Variants in CCT6A observed in about 807,000 individuals in gnomAD.
CCT6A encodes the protein chaperonin containing TCP1 subunit 6A, also known as T-complex protein 1 subunit zeta.
Under a neutral mutation model 58.6 loss-of-function variants are expected in CCT6A, and 6 were observed. That is an observed-to-expected ratio of 0.10 (90% CI 0.06 to 0.20). The LOEUF is 0.20. CCT6A is among the 10% of genes least tolerant of loss of function. The pLI is 1.00. For synonymous variants in CCT6A, 245 were observed against 227.8 expected, an observed-to-expected ratio of 1.08 and a Z score of -0.68; for missense variants, 516 against 648.8, an observed-to-expected ratio of 0.80 and a Z score of 2.22.
intron 2 of CCT6A, 68 bp downstream of exon 2, chr7:56,052,553 A>G: frequency 7.7e-7 from 1 of 1,303,062 alleles, no homozygotes; most frequent in Non-Finnish European, 1.1e-6. Flanking sequence ...TTGTAGAAAG[A>G]TTTGCAGTGT....
At position 56,057,966 on chromosome 7, in the gene CCT6A, A is replaced by G. The variant is rs996674008; in HGVS notation, c.615-27A>G. The G allele has an allele frequency of 3.4e-6, 4 of 1,192,732 alleles. No homozygotes were observed. In the African/African-American group the frequency reaches 6.0e-5, roughly 18 times the overall value. The allele number at this position is 1,192,732 out of a possible 1,614,324, so 73.9% of individuals were successfully genotyped here. ...TTAAATACCCATCTGAAAATCAATA[A>G]CCATAATTTTGTGTGTGTTTAAACA... On this transcript the variant is annotated intron_variant, in intron 5 of 13. Coordinates refer to ENST00000275603, the MANE Select transcript of CCT6A (RefSeq NM_001762.4).
chr7:56,062,910 A>T (rs1794500672), intron 13 of CCT6A, 103 bp from the exon 14 acceptor site: 2 of 1,152,516 alleles, frequency 1.7e-6, no homozygotes, highest in South Asian at 1.2e-5. Flanking sequence ...GGAAGGGGGA[A>T]ATTTAATTGG....
chr7:56,062,580 A>T, intron 12 of CCT6A, 103 bp from the exon 13 acceptor site: 1 of 950,634 alleles, frequency 1.1e-6, no homozygotes, highest in Non-Finnish European at 1.7e-6. Flanking sequence ...GAATTCTCAT[A>T]GTTAATACTG....
rs1158512006 is a variant in CCT6A, at chr7:56,059,589, C to A, written c.1014C>A (p.Asp338Glu). Residue 338 changes from aspartate (D) to glutamate (E), a missense_variant, in exon 9 of 14, where the codon GAC becomes GAA. Physicochemically the swap from Asp to Glu is conservative, Grantham distance 45 (BLOSUM62 2). Around this residue, in one of 3 missense-constraint regions of CCT6A, gnomAD observed 315 missense variants for 389.4 expected, o/e 0.81. Transcript: ENST00000275603. ...CGGVALNSFD[D>E]LSPDCLGHAG... ...GGGTAGCCCTGAATTCTTTTGACGA[C>A]CTAAGTCCTGACTGCTTGGGACATG... is the stretch of plus-strand genomic sequence containing the variant. 1 of 1,609,088 alleles carries A rather than the reference C, an allele frequency of 6.2e-7. No homozygotes were observed. The highest frequency in any genetic ancestry group is 8.5e-7 in the Non-Finnish European group (1 of 1,175,464).
chr7:56,059,664 G>A (rs1384607050), intron 9 of CCT6A, 24 bp downstream of exon 9: 16 of 1,115,994 alleles, frequency 1.4e-5, no homozygotes, highest in Non-Finnish European at 2.2e-5. Context: ...TTTCTTAAAG[G>A]TAATAGAACC....
At position 56,054,416 on chromosome 7, in the gene CCT6A, C is replaced by T; in HGVS notation, c.249C>T (p.Ala83=). ...CCTTAATAGCAAAGGTAGCAACAGC[C>T]CAGGATGATATAACTGGTGATGGTA... ...TASLIAKVAT[A]QDDITGDGTT... The change falls in exon 3 of 14, where the codon GCC becomes GCT. Residue 83 remains alanine, a synonymous_variant. Transcript: ENST00000275603. 1 of 1,611,484 alleles carries T rather than the reference C, an allele frequency of 6.2e-7. No homozygotes were observed. The highest frequency in any genetic ancestry group is 8.5e-7 in the Non-Finnish European group (1 of 1,178,604).
At chr7:56,058,832 C>T (rs971579382) in intron 8 of CCT6A, 130 bp downstream of exon 8, 2 of 574,874 alleles carry the variant, frequency 3.5e-6, no homozygotes, top group Non-Finnish European at 6.3e-6. Flanking sequence ...TTGTGCACCC[C>T]GTCAGCACTG....
intron 9 of CCT6A, chr7:56,059,916 G>A (rs889972622): frequency 4.9e-6 from 2 of 404,398 alleles, no homozygotes; most frequent in African/African-American, 4.1e-5. Flanking sequence ...TGCCCAGGCT[G>A]GTCTTAAACT....
intron 12 of CCT6A, among the ~76,000 whole-genome samples, chr7:56,062,363 T>C (rs1255908807): frequency 6.6e-6 from 1 of 152,202 alleles, no homozygotes. Flanking sequence ...TCAACATTAA[T>C]AGAAAAGGTT....
chr7:56,062,967 A>C, intron 13 of CCT6A, 46 bp from the exon 14 acceptor site: 1 of 1,447,722 alleles, frequency 6.9e-7, no homozygotes, highest in East Asian at 2.3e-5. Flanking sequence ...GAGTCGAATT[A>C]GGGCTCCTAA....
intron 5 of CCT6A, among the ~76,000 whole-genome samples, chr7:56,057,205 T>G (rs1030453464): frequency 6.6e-6 from 1 of 152,356 alleles, no homozygotes; most frequent in South Asian, 2.1e-4. Flanking sequence ...GTGAATGTTA[T>G]GTTTATGGTT....
intron 2 of CCT6A, 46 bp downstream of exon 2, chr7:56,052,531 A>G (rs778611855): frequency 4.0e-6 from 6 of 1,485,012 alleles, no homozygotes; most frequent in Non-Finnish European, 2.8e-6. Flanking sequence ...GATTTTCCGT[A>G]GAATGTTTTC....
chr7:56,052,067 C>T, intron 1 of CCT6A, 82 bp downstream of exon 1: 2 of 1,184,222 alleles, frequency 1.7e-6, no homozygotes, highest in Non-Finnish European at 2.2e-6. Flanking sequence ...CGGACTGGAG[C>T]CCGCCGCCTC....
intron 11 of CCT6A, 67 bp from the exon 12 acceptor site, chr7:56,061,668 CTTTTTTTTTTTT>C (rs71015174): frequency 9.0e-4 from 281 of 312,472 alleles, no homozygotes; most frequent in South Asian, 3.4e-3. Context: ...TTTCTTTTTT[CTTTTTTTTTTTT>C]TTTTTTTTTT....
At chr7:56,052,022 C>T (rs1271876464) in intron 1 of CCT6A, 37 bp downstream of exon 1, 4 of 1,393,624 alleles carry the variant, frequency 2.9e-6, no homozygotes, top group South Asian at 1.6e-5. Context: ...GGGCGGGCAC[C>T]GCGCGCCGCC....
intron 11 of CCT6A, among the ~76,000 whole-genome samples, 159 bp downstream of exon 11, chr7:56,061,099 G>T (rs1305542780): frequency 6.6e-6 from 1 of 152,154 alleles, no homozygotes; most frequent in Non-Finnish European, 1.5e-5. Flanking sequence ...AGATATATTT[G>T]GTTTCTCTGG....
At chr7:56,054,900 T>TAATA (rs1204143493) in intron 3 of CCT6A, among the ~76,000 whole-genome samples, 1 of 152,242 alleles carries the variant, frequency 6.6e-6, no homozygotes, top group Non-Finnish European at 1.5e-5. Flanking sequence ...ATGAATGTAT[T>TAATA]GTCAGAATTT....
rs188876311 is a variant in CCT6A, at chr7:56,052,880, C to T, written c.201+395C>T. On this transcript the variant is annotated intron_variant, in intron 2 of 13. Transcript: ENST00000275603. ...ACAATCTCAACTCACTGCAACCTCT[C>T]CCTCCCGGGTTCAAGCGATTCTTCT... Among the ~76,000 whole-genome samples, 35 of 151,886 alleles carry T rather than the reference C, an allele frequency of 2.3e-4. No homozygotes were observed. The East Asian group carries it at 6.6e-3, about 29-fold the overall frequency.
chr7:56,057,635 C>T (rs1246273471), intron 5 of CCT6A, among the ~76,000 whole-genome samples: 2 of 152,208 alleles, frequency 1.3e-5, no homozygotes, highest in African/African-American at 4.8e-5. Flanking sequence ...AATCCCAGCA[C>T]TTTGGGAGGC....
Sources: gnomAD v4.1 joint callset for allele counts (sites outside exome capture counted in the v4.1 genomes callset) on GRCh38, gnomAD v4.1.1 for gene constraint, gnomAD v4.1.1 regional missense constraint, MANE v1.5 for transcripts, NCBI Gene and HGNC (gene_info 2026-07-23, HGNC 2026-07-21) for gene names.